The following TRPM3 variants were observed in gnomAD, a reference collection of about 807,000 sequenced individuals.
The protein encoded by TRPM3 is transient receptor potential cation channel subfamily M member 3, also known as long transient receptor potential channel 3.
A neutral mutation model predicts 181.2 loss-of-function variants in TRPM3; 77 were observed. The ratio of observed to expected loss-of-function variants is 0.42; its 90% CI spans 0.35 to 0.51. The LOEUF is 0.51. Among genes scored for constraint, TRPM3 ranks in the 20% least tolerant of loss-of-function variants. The pLI, the probability that TRPM3 is intolerant of heterozygous loss-of-function variation, is 0.01. For synonymous variants in TRPM3, 745 were observed against 796.4 expected, an observed-to-expected ratio of 0.94 and a Z score of 1.09; for missense variants, 1,759 against 2,196.7, an observed-to-expected ratio of 0.80 and a Z score of 3.98.
At chr9:70,830,213 A>C (rs1052360081) in intron 5 of TRPM3, among the ~76,000 whole-genome samples, 2 of 152,260 alleles carry the variant, frequency 1.3e-5, no homozygotes, top group African/African-American at 4.8e-5. Flanking sequence ...ACATATTTAA[A>C]GACTATCAGT....
chr9:71,331,389 G>T (rs2090097985), intron 1 of TRPM3, among the ~76,000 whole-genome samples: 2 of 151,750 alleles, frequency 1.3e-5, no homozygotes, highest in South Asian at 4.2e-4. Context: ...AAGTTATAAT[G>T]CAGGCTCATA....
At chr9:70,995,911 C>G (rs1180139218) in intron 1 of TRPM3, among the ~76,000 whole-genome samples, 3 of 152,180 alleles carry the variant, frequency 2.0e-5, no homozygotes, top group African/African-American at 7.2e-5. Context: ...AAACTTTAAT[C>G]TTGTCACTTT....
intron 1 of TRPM3, among the ~76,000 whole-genome samples, chr9:71,234,558 C>T (rs547350386): frequency 1.2e-4 from 18 of 150,902 alleles, no homozygotes; most frequent in African/African-American, 3.9e-4. Context: ...CTTCTGAAGC[C>T]TCTCTCCTTG....
chr9:70,776,379 A>T (rs1379316851), intron 7 of TRPM3: 1 of 691,260 alleles, frequency 1.4e-6, no homozygotes, highest in East Asian at 2.8e-5. Context: ...CCTGCCTCTC[A>T]GCTGAGAGGA....
At chr9:70,556,953 T>A (rs556544874) in intron 22 of TRPM3, among the ~76,000 whole-genome samples, 1 of 152,350 alleles carries the variant, frequency 6.6e-6, no homozygotes, top group South Asian at 2.1e-4. Context: ...ATTGGTATTT[T>A]TATTTCTGTA....
intron 3 of TRPM3, among the ~76,000 whole-genome samples, chr9:70,849,687 T>C (rs1443587200): frequency 6.6e-6 from 1 of 152,190 alleles, no homozygotes; most frequent in African/African-American, 2.4e-5. Context: ...CTAAAGCCTA[T>C]GTTGTGTGGG....
At chr9:71,128,344 A>G (rs1191690546) in intron 1 of TRPM3, among the ~76,000 whole-genome samples, 1 of 152,262 alleles carries the variant, frequency 6.6e-6, no homozygotes, top group Non-Finnish European at 1.5e-5. Context: ...AAAATGTATA[A>G]CAGATATTCA....
intron 1 of TRPM3, among the ~76,000 whole-genome samples, chr9:71,109,654 C>A (rs1026609291): frequency 6.6e-6 from 1 of 152,084 alleles, no homozygotes; most frequent in African/African-American, 2.4e-5. Flanking sequence ...AGTACCTAGA[C>A]AATCTACCAA....
At chr9:71,362,999 GT>G (rs1451877460) in intron 1 of TRPM3, among the ~76,000 whole-genome samples, 2 of 152,262 alleles carry the variant, frequency 1.3e-5, no homozygotes, top group African/African-American at 4.8e-5. Flanking sequence ...AAGCAAAATT[GT>G]CTTTAGAGCA....
At chr9:70,872,681 T>G (rs138396351) in intron 1 of TRPM3, among the ~76,000 whole-genome samples, 1 of 152,104 alleles carries the variant, frequency 6.6e-6, no homozygotes, top group Admixed American at 6.6e-5. Context: ...GCAGTGATTT[T>G]GTAACTGATG....
chr9:70,840,012 T>A (rs1160627127), intron 5 of TRPM3, among the ~76,000 whole-genome samples: 1 of 152,094 alleles, frequency 6.6e-6, no homozygotes, highest in Non-Finnish European at 1.5e-5. Flanking sequence ...ATTTGATAAT[T>A]TTGAGGGGAA....
At chr9:71,379,452 G>C (rs1215213910) in intron 1 of TRPM3, among the ~76,000 whole-genome samples, 4 of 152,002 alleles carry the variant, frequency 2.6e-5, no homozygotes, top group African/African-American at 9.7e-5. Context: ...CTTTCTGATT[G>C]TTGGGTCTTG....
intron 12 of TRPM3, among the ~76,000 whole-genome samples, chr9:70,628,651 G>A (rs541701229): frequency 2.0e-5 from 3 of 151,774 alleles, no homozygotes; most frequent in South Asian, 2.1e-4. Context: ...GTGAAACCCC[G>A]TCTGTACTAA....
chr9:71,235,139 T>G (rs535286050), intron 1 of TRPM3, among the ~76,000 whole-genome samples: 3 of 152,356 alleles, frequency 2.0e-5, no homozygotes, highest in African/African-American at 7.2e-5. Flanking sequence ...CTTGGCGCCC[T>G]GCAGGGCCTT....
chr9:70,954,171 G>A (rs535135239), intron 1 of TRPM3, among the ~76,000 whole-genome samples: 25 of 152,266 alleles, frequency 1.6e-4, no homozygotes, highest in African/African-American at 5.8e-4. Context: ...AGTGTTCTGT[G>A]AGGAAGTCCA....
chr9:70,645,328 C>T (rs981633837), intron 9 of TRPM3, among the ~76,000 whole-genome samples: 5 of 152,094 alleles, frequency 3.3e-5, no homozygotes, highest in African/African-American at 1.2e-4. Flanking sequence ...GCTACAGTAA[C>T]CAAAACAGCA....
At chr9:70,542,463 T>C (rs1264462012) in intron 25 of TRPM3, among the ~76,000 whole-genome samples, 2 of 152,082 alleles carry the variant, frequency 1.3e-5, no homozygotes, top group Non-Finnish European at 2.9e-5. Context: ...CAATGGAGTG[T>C]TGGAAAGCTG....
At chr9:71,175,518 T>A (rs914768031) in intron 1 of TRPM3, among the ~76,000 whole-genome samples, 1 of 152,116 alleles carries the variant, frequency 6.6e-6, no homozygotes, top group African/African-American at 2.4e-5. Flanking sequence ...GTGATGTCAA[T>A]GTGAAGGCAG....
At chr9:71,000,740 A>G (rs2097590252) in intron 1 of TRPM3, among the ~76,000 whole-genome samples, 1 of 152,238 alleles carries the variant, frequency 6.6e-6, no homozygotes, top group Non-Finnish European at 1.5e-5. Context: ...AATACAATGT[A>G]CATATGCTAC....
Sources: gnomAD v4.1 joint callset for allele counts (sites outside exome capture counted in the v4.1 genomes callset) on GRCh38, gnomAD v4.1.1 for gene constraint, MANE v1.5 for transcripts, NCBI Gene and HGNC (gene_info 2026-07-23, HGNC 2026-07-21) for gene names.